Variants in RTF2 observed in about 807,000 individuals in gnomAD.
RTF2 encodes replication termination factor 2.
A neutral mutation model predicts 38.0 loss-of-function variants in RTF2; 18 were observed. The observed-to-expected ratio is 0.47, with a 90% CI of 0.33 to 0.70. The LOEUF is 0.70. Among genes scored for constraint, RTF2 ranks in the 30% least tolerant of loss-of-function variants. RTF2 has a pLI of 0.02. For missense variants in RTF2, 311 were observed against 379.6 expected, an observed-to-expected ratio of 0.82 and a Z score of 1.50; for synonymous variants, 126 against 137.1, an observed-to-expected ratio of 0.92 and a Z score of 0.57.
At chr20:56,497,235 A>G (rs763756684) in intron 5 of RTF2, 1 of 1,551,984 alleles carries the variant, frequency 6.4e-7, no homozygotes, top group Admixed American at 2.0e-5. Context: ...GAGAAGCTGC[A>G]CAAACATGGC....
chr20:56,504,066 C>T (rs1984103919), intron 5 of RTF2: 1 of 152,250 alleles, frequency 6.6e-6, no homozygotes, highest in Non-Finnish European at 1.5e-5. Context: ...AGGAGAAGCC[C>T]CCTGGTTCCT....
At chr20:56,503,449 G>T (rs899451139) in intron 5 of RTF2, among the ~76,000 whole-genome samples, 1 of 152,178 alleles carries the variant, frequency 6.6e-6, no homozygotes, top group Admixed American at 6.5e-5. Flanking sequence ...CCTTGAATCT[G>T]CCTCTCATGT....
At chr20:56,495,927 T>G (rs1208906876) in intron 5 of RTF2, among the ~76,000 whole-genome samples, 1 of 152,234 alleles carries the variant, frequency 6.6e-6, no homozygotes, top group Non-Finnish European at 1.5e-5. Flanking sequence ...AAATCATTAC[T>G]AGCTTTAACA....
rs74511034 is a variant in RTF2 at position 56,508,633 on chromosome 20, C to T, written c.478-4682C>T. The stretch of plus-strand genomic sequence containing the variant: ...ATGTGACTCTTTGAAGTCATGTTAC[C>T]TACACTAATCAAGATAGTGTGGTGC... On this transcript the variant is annotated intron_variant, in intron 5 of 8. Transcript: ENST00000357348. 5.1e-4 allele frequency among the ~76,000 whole-genome samples: 77 copies of T among 152,250 alleles called. 1 individual carries two copies. In the East Asian group the frequency reaches 0.015, roughly 29 times the overall value.
intron 5 of RTF2, among the ~76,000 whole-genome samples, chr20:56,499,270 C>G (rs576470772): frequency 6.7e-6 from 1 of 148,198 alleles, no homozygotes; most frequent in African/African-American, 2.5e-5. Flanking sequence ...GATCTCGGCT[C>G]ACCACAATCT....
intron 3 of RTF2, 72 bp downstream of exon 3, chr20:56,474,843 G>A (rs372502597): frequency 5.6e-5 from 56 of 994,258 alleles, no homozygotes; most frequent in South Asian, 1.3e-4. Flanking sequence ...GAATTTATAC[G>A]CCTTAAAGAC....
chr20:56,515,122 A>G (rs771863818), intron 6 of RTF2, among the ~76,000 whole-genome samples: 13 of 152,126 alleles, frequency 8.5e-5, no homozygotes, highest in African/African-American at 1.9e-4. Flanking sequence ...AAAGTGTGTT[A>G]ATTCTAAGTT....
intron 5 of RTF2, among the ~76,000 whole-genome samples, chr20:56,503,750 G>A (rs1383090394): frequency 6.6e-6 from 1 of 152,120 alleles, no homozygotes; most frequent in African/African-American, 2.4e-5. Context: ...ATCACTTGAG[G>A]TCAGGAGTTT....
chr20:56,484,653 C>G (rs1982694169), intron 5 of RTF2, among the ~76,000 whole-genome samples: 1 of 152,246 alleles, frequency 6.6e-6, no homozygotes, highest in South Asian at 2.1e-4. Context: ...ATCTCTTTAT[C>G]CGCAGGGCAT....
chr20:56,496,663 A>G, intron 5 of RTF2: 1 of 1,535,504 alleles, frequency 6.5e-7, no homozygotes, highest in East Asian at 2.5e-5. Flanking sequence ...AGGGTCACCC[A>G]GTAGTGTTGC....
chr20:56,496,946 G>A, intron 5 of RTF2: 1 of 1,550,896 alleles, frequency 6.4e-7, no homozygotes, highest in Non-Finnish European at 8.7e-7. Context: ...ATTTGCTTCT[G>A]ATGTAGTGTA....
At chr20:56,485,412 C>G (rs1413523214) in intron 5 of RTF2, among the ~76,000 whole-genome samples, 1 of 152,152 alleles carries the variant, frequency 6.6e-6, no homozygotes, top group African/African-American at 2.4e-5. Flanking sequence ...TCATCTCATG[C>G]AAGGCCTGGG....
intron 3 of RTF2, 49 bp from the exon 4 acceptor site, chr20:56,476,936 A>T (rs1982276638): frequency 6.3e-7 from 1 of 1,595,530 alleles, no homozygotes; most frequent in Non-Finnish European, 8.6e-7. Flanking sequence ...AAGGCAAAGG[A>T]TGATCTGTTT....
At chr20:56,504,544 C>T (rs995365913) in intron 5 of RTF2, among the ~76,000 whole-genome samples, 2 of 152,222 alleles carry the variant, frequency 1.3e-5, no homozygotes, top group Non-Finnish European at 2.9e-5. Flanking sequence ...AAGGCAGGGG[C>T]TGAGCCTTCT....
At chr20:56,473,253 T>G in intron 1 of RTF2, 48 bp from the exon 2 acceptor site, 1 of 1,291,386 alleles carries the variant, frequency 7.7e-7, no homozygotes, top group Non-Finnish European at 1.1e-6. Context: ...TTGTGAACCA[T>G]GTGTCTTTCA....
chr20:56,508,189 C>T (rs1984406534), intron 5 of RTF2, among the ~76,000 whole-genome samples: 1 of 152,146 alleles, frequency 6.6e-6, no homozygotes, highest in Non-Finnish European at 1.5e-5. Flanking sequence ...GAGACAAGAA[C>T]CACATTAAAT....
chr20:56,468,651 A>G lies in RTF2; in HGVS notation c.-47A>G, dbSNP rs752126838. The stretch of plus-strand genomic sequence containing the variant: ...TGCGGATTTCGCCGGAAATCCCGGA[A>G]GTGACAGCTTTGGGGGTTTGCTGCT... On this transcript the variant is annotated 5_prime_UTR_variant, in exon 1 of 9. Coordinates refer to ENST00000357348, the MANE Select transcript of RTF2 (RefSeq NM_016407.5). The G allele has an allele frequency of 6.6e-6, 10 of 1,521,142 alleles. No homozygotes were observed. Among genetic ancestry groups the G allele is most frequent in the Non-Finnish European group, 8.9e-6 (10 of 1,119,866 alleles). 94.2% of individuals were successfully genotyped at this position (1,521,142 alleles called of 1,614,324 possible). A position where few individuals can be genotyped will look rare whatever the true frequency, so the allele number is the denominator to read the frequency against.
chr20:56,476,898 G>A, intron 3 of RTF2, 87 bp from the exon 4 acceptor site: 1 of 1,333,734 alleles, frequency 7.5e-7, no homozygotes, highest in Non-Finnish European at 1.1e-6. Flanking sequence ...GGAAGGGCTG[G>A]AATAACAATT....
intron 5 of RTF2, chr20:56,497,216 A>G: frequency 1.9e-6 from 3 of 1,551,860 alleles, no homozygotes. Flanking sequence ...GAGGTACATA[A>G]ATAGCTCTGA....
Sources: gnomAD v4.1 joint callset for allele counts (sites outside exome capture counted in the v4.1 genomes callset) on GRCh38, gnomAD v4.1.1 for gene constraint, MANE v1.5 for transcripts, NCBI Gene and HGNC (gene_info 2026-07-23, HGNC 2026-07-21) for gene names.